Variants in CIT observed in about 807,000 individuals in gnomAD.
CIT encodes the protein citron Rho-interacting kinase.
CIT carries 79 observed loss-of-function variants against 272.7 expected under a neutral mutation model. That is an observed-to-expected ratio of 0.29 (90% CI 0.24 to 0.35). The LOEUF is 0.35. CIT is among the 10% of genes least tolerant of loss of function. CIT has a pLI of 1.00. For synonymous variants in CIT, 948 were observed against 995.6 expected, an observed-to-expected ratio of 0.95 and a Z score of 0.90; for missense variants, 1,909 against 2,618.3, an observed-to-expected ratio of 0.73 and a Z score of 5.91.
Position 119,776,802 on chromosome 12 carries a change from T to C in CIT, c.1706A>G (p.Asn569Ser), listed in dbSNP as rs149250142. Residue 569 changes from asparagine (N) to serine (S), a missense_variant, in exon 14 of 48, where the codon AAT becomes AGT. Coordinates refer to ENST00000392521, the MANE Select transcript of CIT (RefSeq NM_001206999.2). The stretch of plus-strand genomic sequence containing the variant: ...TGAGACAAGATCCTCTTCCAACTGA[T>C]TCATCATCAACCTCATTTCTTCCAC... ...AQVEEMRLMM[N>S]QLEEDLVSAR... is the part of the protein sequence containing the mutation. The C allele has an allele frequency of 1.9e-6, 3 of 1,614,086 alleles. No individual in the cohort carries two copies. In the East Asian group the frequency reaches 6.7e-5, roughly 36 times the overall value.
intron 7 of CIT, among the ~76,000 whole-genome samples, chr12:119,832,114 A>G (rs1275244337): frequency 2.0e-5 from 3 of 152,226 alleles, no homozygotes; most frequent in Non-Finnish European, 2.9e-5. Flanking sequence ...TCTTAGACCT[A>G]TCCTTTTTTG....
intron 25 of CIT, among the ~76,000 whole-genome samples, chr12:119,734,724 C>T (rs980123951): frequency 5.9e-5 from 9 of 152,152 alleles, no homozygotes; most frequent in Non-Finnish European, 1.3e-4. Context: ...GCAGCCTCGA[C>T]CTCCTGGGTT....
At chr12:119,735,487 C>T in intron 24 of CIT, 130 bp from the exon 25 acceptor site, 1 of 841,790 alleles carries the variant, frequency 1.2e-6, no homozygotes, top group East Asian at 2.6e-5. Flanking sequence ...GTTTGCCCAC[C>T]TGACCGTGAG....
intron 46 of CIT, among the ~76,000 whole-genome samples, chr12:119,696,350 C>T (rs538798793): frequency 6.3e-4 from 96 of 152,294 alleles, no homozygotes; most frequent in South Asian, 8.3e-4. Context: ...GTGCCAAATA[C>T]CCATGTGCTC....
intron 9 of CIT, among the ~76,000 whole-genome samples, chr12:119,810,183 T>C (rs1302025366): frequency 4.6e-5 from 7 of 152,084 alleles, no homozygotes; most frequent in Admixed American, 6.5e-5. Context: ...AGAGGGGACA[T>C]TCTTGGGGAC....
At position 119,730,715 on chromosome 12, in the gene CIT, G is replaced by A. The variant is rs76014845; in HGVS notation, c.3351-85C>T. On this transcript the variant is annotated intron_variant, in intron 26 of 47. Coordinates refer to ENST00000392521, the MANE Select transcript of CIT (RefSeq NM_001206999.2). ...AGGCTGGTCCGTCTCTAATCCTGAC[G>A]AGCAACTAAACAGGCTGCAGGCCAG... The A allele has an allele frequency of 0.038, 55,152 of 1,451,252 alleles. 1,593 individuals are homozygous for A. Among genetic ancestry groups the A allele is most frequent in the African/African-American group, 0.15 (10,919 of 71,358 alleles). 89.9% of individuals were successfully genotyped at this position (1,451,252 alleles called of 1,614,324 possible). A position where few individuals can be genotyped will look rare whatever the true frequency, so the allele number is the denominator to read the frequency against.
Position 119,705,771 on chromosome 12 carries a change from C to CA in CIT, c.5212-1317dup, listed in dbSNP as rs148188101. 7.3e-3 allele frequency among the ~76,000 whole-genome samples: 342 copies of CA among 46,644 alleles called. 7 individuals are homozygous for CA. Among genetic ancestry groups the CA allele is most frequent in the Middle Eastern group, 0.028 (1 of 36 alleles). The allele number at this position is 46,644 out of a possible 152,430, so 30.6% of individuals were successfully genotyped here. A position where few individuals can be genotyped will look rare whatever the true frequency, so the allele number is the denominator to read the frequency against. ...TGGGTGACAGAGTGAGACTCTGTCT[C>CA]AAAAAAAAAAAAAAAAAAAAAAAAA... is the stretch of plus-strand genomic sequence containing the variant. On this transcript the variant is annotated intron_variant, in intron 40 of 47. Transcript: ENST00000392521.
chr12:119,775,780 G>T lies in CIT; in HGVS notation c.1941+6C>A. The stretch of plus-strand genomic sequence containing the variant: ...GTAAGTTCCTGAAAAATCACCTTGG[G>T]CTTACCTTCTCCAGTTTCTCTTGGA... On this transcript the variant is annotated splice_donor_region_variant and intron_variant, in intron 16 of 47. Transcript: ENST00000392521. 1 of 1,612,028 alleles carries T rather than the reference G, an allele frequency of 6.2e-7. No homozygotes were observed. Among genetic ancestry groups the T allele is most frequent in the Non-Finnish European group, 8.5e-7 (1 of 1,178,178 alleles).
intron 28 of CIT, among the ~76,000 whole-genome samples, chr12:119,724,275 G>A (rs1428326330): frequency 6.6e-6 from 1 of 152,066 alleles, no homozygotes; most frequent in African/African-American, 2.4e-5. Flanking sequence ...TCAGTCACAT[G>A]GTAAGTGCTA....
intron 5 of CIT, among the ~76,000 whole-genome samples, chr12:119,848,194 G>A (rs1282121762): frequency 6.6e-6 from 1 of 152,242 alleles, no homozygotes; most frequent in Non-Finnish European, 1.5e-5. Flanking sequence ...TCTGCCAATA[G>A]ATTCATATGT....
At chr12:119,808,550 T>A (rs1966735081) in intron 9 of CIT, among the ~76,000 whole-genome samples, 1 of 151,992 alleles carries the variant, frequency 6.6e-6, no homozygotes. Context: ...CTGAGCCTCG[T>A]AAAACTCCTA....
At position 119,718,624 on chromosome 12, in the gene CIT, C is replaced by T. The variant is rs1163432124; in HGVS notation, c.4003+75G>A. 1.3e-6 allele frequency: 2 copies of T among 1,583,804 alleles called. No homozygotes were observed. The highest frequency in any genetic ancestry group is 1.7e-6 in the Non-Finnish European group (2 of 1,159,224). ...AAACGAAGACACTGAGCTAGTTAGTCTTGGCTGATCTCACTGAGATCAATC... is the reference window on the plus strand; with the variant it reads ...AAACGAAGACACTGAGCTAGTTAGTTTTGGCTGATCTCACTGAGATCAATC... On this transcript the variant is annotated intron_variant, in intron 31 of 47. Coordinates refer to ENST00000392521, the MANE Select transcript of CIT (RefSeq NM_001206999.2). This position sits in a 1 kb window ranked among gnomAD's most constrained non-coding sequence, Gnocchi z 4.8.
intron 28 of CIT, among the ~76,000 whole-genome samples, chr12:119,727,426 T>C (rs1864413489): frequency 6.6e-6 from 1 of 152,034 alleles, no homozygotes; most frequent in African/African-American, 2.4e-5. Context: ...ATACAAGTGG[T>C]ATAATAGACA....
At chr12:119,859,851 G>A (rs1438170499) in intron 3 of CIT, among the ~76,000 whole-genome samples, 1 of 151,592 alleles carries the variant, frequency 6.6e-6, no homozygotes, top group East Asian at 1.9e-4. Flanking sequence ...CTGTCGCCCA[G>A]GCTGGAATGC....
At chr12:119,767,005 A>G (rs1265092671) in intron 19 of CIT, 82 bp downstream of exon 19, 1 of 969,122 alleles carries the variant, frequency 1.0e-6, no homozygotes, top group Non-Finnish European at 1.5e-6. Context: ...CCAGCAAGAA[A>G]TGGCCACAAG....
intron 5 of CIT, among the ~76,000 whole-genome samples, chr12:119,843,024 C>A (rs1936071078): frequency 6.6e-6 from 1 of 152,082 alleles, no homozygotes; most frequent in Admixed American, 6.6e-5. Flanking sequence ...AGTCAAAAGG[C>A]GCCATTCCAG....
chr12:119,720,759 G>T (rs1407666942), intron 29 of CIT, among the ~76,000 whole-genome samples, 174 bp from the exon 30 acceptor site: 2 of 152,150 alleles, frequency 1.3e-5, no homozygotes, highest in African/African-American at 4.8e-5. Context: ...AGAGAAAAAA[G>T]ATATATTTAT....
chr12:119,802,467 A>G (rs1478893266), intron 10 of CIT, among the ~76,000 whole-genome samples: 3 of 152,210 alleles, frequency 2.0e-5, no homozygotes, highest in Non-Finnish European at 2.9e-5. Flanking sequence ...TACCAGATCA[A>G]GAGGTTTACA....
intron 10 of CIT, among the ~76,000 whole-genome samples, chr12:119,795,383 T>C (rs934048443): frequency 6.6e-6 from 1 of 152,068 alleles, no homozygotes. Flanking sequence ...TGAGACTCTG[T>C]CTCAAAATAA....
Sources: gnomAD v4.1 joint callset for allele counts (sites outside exome capture counted in the v4.1 genomes callset) on GRCh38, gnomAD v4.1.1 for gene constraint, Gnocchi (gnomAD v3.1) non-coding constraint, MANE v1.5 for transcripts, NCBI Gene and HGNC (gene_info 2026-07-23, HGNC 2026-07-21) for gene names.